Variants in NF1 observed in about 807,000 individuals in gnomAD.
NF1 encodes the protein neurofibromin.
Under a neutral mutation model 325.7 loss-of-function variants are expected in NF1, and 122 were observed. That is an observed-to-expected ratio of 0.37 (90% confidence interval 0.32 to 0.44). NF1 has a LOEUF of 0.44. Among genes scored for constraint, NF1 ranks in the 20% least tolerant of loss-of-function variants. NF1 has a pLI of 1.00. For synonymous variants in NF1, 1,091 were observed against 1,186.0 expected (o/e 0.92, Z 1.65); for missense variants, 2,140 against 3,415.4 (o/e 0.63, Z 9.31).
At chr17:31,191,208 T>A (rs899436729) in intron 8 of NF1, among the ~76,000 whole-genome samples, 12 of 152,192 alleles carry the variant, frequency 7.9e-5, no homozygotes, top group African/African-American at 2.9e-4. Context: ...CTGTGAATAT[T>A]AATCCATAGA....
chr17:31,130,923 G>A (rs957984488), intron 1 of NF1, among the ~76,000 whole-genome samples: 1 of 152,192 alleles, frequency 6.6e-6, no homozygotes, highest in African/African-American at 2.4e-5. Context: ...AGGGATCACT[G>A]TGGTTGGAGC....
At chr17:31,167,813 T>G (rs1176518452) in intron 4 of NF1, among the ~76,000 whole-genome samples, 1 of 152,210 alleles carries the variant, frequency 6.6e-6, no homozygotes, top group Non-Finnish European at 1.5e-5. Flanking sequence ...GTTAAATGTT[T>G]CTACGTTTGT....
intron 3 of NF1, among the ~76,000 whole-genome samples, chr17:31,162,035 C>CAAA (rs781244510): frequency 1.8e-3 from 95 of 53,324 alleles, no homozygotes; most frequent in East Asian, 4.6e-3. Flanking sequence ...GACTCCATCT[C>CAAA]AAAAAAAAAA....
intron 36 of NF1, among the ~76,000 whole-genome samples, chr17:31,311,133 T>G (rs1310385847): frequency 6.6e-6 from 1 of 152,018 alleles, no homozygotes; most frequent in African/African-American, 2.4e-5. Context: ...TTGTATTTTT[T>G]GTAGACATGG....
intron 1 of NF1, among the ~76,000 whole-genome samples, chr17:31,098,565 A>T (rs888705746): frequency 2.6e-5 from 4 of 152,082 alleles, no homozygotes; most frequent in African/African-American, 9.7e-5. Flanking sequence ...CTGAGATTAC[A>T]GGCGTGAGCC....
chr17:31,171,666 T>C (rs2065930208), intron 5 of NF1, among the ~76,000 whole-genome samples: 1 of 152,200 alleles, frequency 6.6e-6, no homozygotes, highest in Non-Finnish European at 1.5e-5. Context: ...TATATGCTGA[T>C]AAATATATAA....
chr17:31,143,397 G>A (rs1349598436), intron 1 of NF1, among the ~76,000 whole-genome samples: 1 of 151,806 alleles, frequency 6.6e-6, no homozygotes, highest in Admixed American at 6.6e-5. Flanking sequence ...CTCCCAAGTA[G>A]CTGGGACTAC....
chr17:31,251,614 A>G (rs925375750), intron 30 of NF1: 12 of 198,202 alleles, frequency 6.1e-5, no homozygotes, highest in Non-Finnish European at 8.3e-5. Context: ...TTATGATTCT[A>G]AATAAATCTC....
At chr17:31,158,048 T>TTTAACAA (rs1186625909) in intron 2 of NF1, among the ~76,000 whole-genome samples, 1 of 152,156 alleles carries the variant, frequency 6.6e-6, no homozygotes, top group Non-Finnish European at 1.5e-5. Flanking sequence ...CCTATAAAGC[T>TTTAACAA]ATATTTCTGT....
At chr17:31,364,312 G>T (rs754273373) in intron 57 of NF1, among the ~76,000 whole-genome samples, 1 of 152,124 alleles carries the variant, frequency 6.6e-6, no homozygotes, top group Non-Finnish European at 1.5e-5. Context: ...ACAGATAAAG[G>T]TTCCATTGCC....
At chr17:31,309,599 A>G (rs2068815494) in intron 36 of NF1, among the ~76,000 whole-genome samples, 1 of 152,234 alleles carries the variant, frequency 6.6e-6, no homozygotes, top group South Asian at 2.1e-4. Flanking sequence ...ATCAGAAAAT[A>G]TAAGCCATGA....
intron 14 of NF1, among the ~76,000 whole-genome samples, chr17:31,221,328 C>T (rs1389943541): frequency 6.6e-6 from 1 of 152,082 alleles, no homozygotes; most frequent in African/African-American, 2.4e-5. Flanking sequence ...AATGGATAAT[C>T]TGCTATGAAA....
In NF1 at chr17:31,338,099, C is replaced by T. The variant is rs876658775; in HGVS notation, c.6779C>T (p.Ser2260Phe). The T allele has an allele frequency of 3.1e-6, 5 of 1,613,744 alleles. No individual in the cohort carries two copies. Among genetic ancestry groups the T allele is most frequent in the Non-Finnish European group, 4.2e-6 (5 of 1,179,810 alleles). ...TTTGGGTGTATTAGCAAACGAGTGTCTCATGGGCAGATAAAGCAGATAATC... is the reference window on the plus strand; with the variant it reads ...TTTGGGTGTATTAGCAAACGAGTGTTTCATGGGCAGATAAAGCAGATAATC... The part of the protein sequence containing the change: ...VVFGCISKRV[S>F]HGQIKQIIRI... The change falls in exon 45 of 58, where the codon TCT (serine) becomes TTT (phenylalanine). Residue 2260 changes from serine (S) to phenylalanine (F), a missense_variant. Transcript: ENST00000358273.
intron 29 of NF1, among the ~76,000 whole-genome samples, chr17:31,236,224 C>G (rs2067201678): frequency 6.6e-6 from 1 of 151,946 alleles, no homozygotes; most frequent in South Asian, 2.1e-4. Flanking sequence ...TGCCTTAGAT[C>G]CAGGGACAAA....
intron 1 of NF1, among the ~76,000 whole-genome samples, chr17:31,135,237 G>A (rs1198281052): frequency 6.6e-6 from 1 of 152,148 alleles, no homozygotes; most frequent in African/African-American, 2.4e-5. Flanking sequence ...TTGTGTGTGT[G>A]TTATTAGGTG....
intron 4 of NF1, among the ~76,000 whole-genome samples, chr17:31,165,106 T>C (rs2065823722): frequency 6.6e-6 from 1 of 152,246 alleles, no homozygotes; most frequent in South Asian, 2.1e-4. Context: ...AGTCTATCAA[T>C]GCATGAACTG....
intron 1 of NF1, among the ~76,000 whole-genome samples, chr17:31,154,053 ATTTTTTTTTTT>A (rs67332557): frequency 3.8e-5 from 2 of 52,714 alleles, no homozygotes; most frequent in African/African-American, 1.5e-4. Context: ...AGTTTCTTTG[ATTTTTTTTTTT>A]TTTTTTTTTT....
chr17:31,273,686 C>T (rs1335596614), intron 36 of NF1: 1 of 152,168 alleles, frequency 6.6e-6, no homozygotes. Flanking sequence ...GTGAGGAAGT[C>T]ATGTGTTCTA....
At chr17:31,138,154 A>G (rs1915915902) in intron 1 of NF1, 1 of 151,888 alleles carries the variant, frequency 6.6e-6, no homozygotes, top group Non-Finnish European at 1.5e-5. Context: ...ACATGTTGGA[A>G]TTGATTACTC....
Sources: allele counts gnomAD v4.1 joint callset (sites outside exome capture counted in the v4.1 genomes callset), GRCh38; gene constraint gnomAD v4.1.1; transcripts MANE v1.5; gene names NCBI Gene and HGNC (gene_info 2026-07-23, HGNC 2026-07-21).